TMEM117: variants seen among roughly 807,000 people sequenced by gnomAD.
TMEM117 encodes the protein transmembrane protein 117.
TMEM117 carries 27 observed loss-of-function variants against 52.4 expected under a neutral mutation model. The ratio of observed to expected loss-of-function variants is 0.51; its 90% confidence interval spans 0.38 to 0.71. The LOEUF is 0.71. TMEM117 is among the 30% of genes least tolerant of loss of function. The pLI is 0.00. For synonymous variants in TMEM117, 215 were observed against 206.3 expected (o/e 1.04, Z -0.36); for missense variants, 556 against 630.5 (o/e 0.88, Z 1.26).
rs545082049 is a variant in TMEM117, at chr12:43,895,805, C to T, written c.278-48405C>T. Among the ~76,000 whole-genome samples, 25 of 152,312 alleles carry T rather than the reference C, an allele frequency of 1.6e-4. No homozygotes were observed. The East Asian group carries it at 4.4e-3, about 27-fold the overall frequency. ...CTAATGCTTAGTTTATGTTAAGGCC[C>T]TTCATAATATGTCCTTAAACTTACC... On this transcript the variant is annotated intron_variant, in intron 2 of 7. Coordinates refer to ENST00000266534, the MANE Select transcript of TMEM117 (RefSeq NM_032256.3).
intron 3 of TMEM117, among the ~76,000 whole-genome samples, chr12:44,052,828 T>G (rs1565808771): frequency 6.6e-6 from 1 of 152,170 alleles, no homozygotes; most frequent in Non-Finnish European, 1.5e-5. Context: ...CCGCTTTAGA[T>G]TTCTCAGGTG....
chr12:44,210,965 A>G (rs12309408), intron 4 of TMEM117, among the ~76,000 whole-genome samples: 2,984 of 152,196 alleles, frequency 0.02, 58 homozygotes, highest in South Asian at 0.053. Context: ...GATTTAGACA[A>G]ACTTTAAAAG....
intron 3 of TMEM117, among the ~76,000 whole-genome samples, chr12:44,097,254 T>A (rs546761585): frequency 6.6e-6 from 1 of 152,126 alleles, no homozygotes; most frequent in Non-Finnish European, 1.5e-5. Context: ...GGAACACTTT[T>A]ACACTGTTGG....
intron 4 of TMEM117, among the ~76,000 whole-genome samples, chr12:44,169,683 AG>A (rs1681140264): frequency 6.6e-6 from 1 of 152,210 alleles, no homozygotes; most frequent in Non-Finnish European, 1.5e-5. Context: ...GATACACAAA[AG>A]TTTCTAACTT....
chr12:43,993,326 C>T (rs962711135), intron 3 of TMEM117, among the ~76,000 whole-genome samples: 5 of 152,150 alleles, frequency 3.3e-5, no homozygotes, highest in Non-Finnish European at 7.3e-5. Flanking sequence ...TGTGAAACAC[C>T]TGGCACAGTG....
At chr12:44,250,808 G>A (rs141915716) in intron 5 of TMEM117, among the ~76,000 whole-genome samples, 1,740 of 152,174 alleles carry the variant, frequency 0.011, 22 homozygotes, top group South Asian at 0.051. Context: ...TGGACACAGA[G>A]GGGAACAACA....
At chr12:44,229,839 T>C (rs2138448589) in intron 5 of TMEM117, among the ~76,000 whole-genome samples, 1 of 152,242 alleles carries the variant, frequency 6.6e-6, no homozygotes, top group South Asian at 2.1e-4. Flanking sequence ...GGGAAAAATG[T>C]TTCTCTTTAT....
intron 3 of TMEM117, among the ~76,000 whole-genome samples, chr12:44,119,897 G>A (rs1565836233): frequency 6.6e-6 from 1 of 152,210 alleles, no homozygotes; most frequent in Non-Finnish European, 1.5e-5. Flanking sequence ...TGAGAGGTCT[G>A]TGGGACATGC....
At chr12:43,900,039 A>C (rs1162649988) in intron 2 of TMEM117, among the ~76,000 whole-genome samples, 1 of 152,192 alleles carries the variant, frequency 6.6e-6, no homozygotes, top group Non-Finnish European at 1.5e-5. Context: ...GTGGTTTATA[A>C]TCGAAGGTAA....
At chr12:44,311,829 A>ATATG (rs1950988189) in intron 6 of TMEM117, among the ~76,000 whole-genome samples, 1 of 100,930 alleles carries the variant, frequency 9.9e-6, no homozygotes, top group African/African-American at 4.6e-5. Context: ...ATATGTATAT[A>ATATG]TGTATATATG....
At chr12:44,050,413 G>A (rs898029568) in intron 3 of TMEM117, among the ~76,000 whole-genome samples, 2 of 152,166 alleles carry the variant, frequency 1.3e-5, no homozygotes, top group Non-Finnish European at 2.9e-5. Flanking sequence ...CTGACCTCAC[G>A]TGATCCGCCT....
chr12:44,225,041 A>G (rs532525802), intron 5 of TMEM117, among the ~76,000 whole-genome samples: 1 of 152,160 alleles, frequency 6.6e-6, no homozygotes, highest in Admixed American at 6.6e-5. Flanking sequence ...TCATACTTGC[A>G]GTCTTGATGA....
At chr12:44,209,478 A>T (rs754716208) in intron 4 of TMEM117, among the ~76,000 whole-genome samples, 33 of 152,272 alleles carry the variant, frequency 2.2e-4, no homozygotes, top group Middle Eastern at 3.4e-3. Flanking sequence ...AAATAAGCAA[A>T]AAGTGTTTTC....
chr12:44,204,899 A>G (rs1051756568), intron 4 of TMEM117, among the ~76,000 whole-genome samples: 1 of 152,242 alleles, frequency 6.6e-6, no homozygotes, highest in African/African-American at 2.4e-5. Context: ...ACAAAAATCA[A>G]CTCAAGATGG....
At chr12:43,910,509 A>C (rs1181889213) in intron 2 of TMEM117, among the ~76,000 whole-genome samples, 2 of 146,202 alleles carry the variant, frequency 1.4e-5, no homozygotes, top group Non-Finnish European at 3.0e-5. Context: ...ATTAGGCAGG[A>C]GAAGGAAATA....
rs139312016 is a variant in TMEM117 at position 44,318,111 on chromosome 12, G to C, written c.768+18372G>C. On this transcript the variant is annotated intron_variant, in intron 6 of 7. Transcript: ENST00000266534. Reference sequence around the variant, plus strand: ...GATCTTCCTGGGCATGTAGCATAGGGGGCCGTACTGCACCACAGTCTCTCC... The same window carrying C: ...GATCTTCCTGGGCATGTAGCATAGGCGGCCGTACTGCACCACAGTCTCTCC... 2.2e-3 allele frequency among the ~76,000 whole-genome samples: 342 copies of C among 152,296 alleles called. 1 individual carries two copies. The highest frequency in any genetic ancestry group is 7.7e-3 in the African/African-American group (322 of 41,568).
chr12:43,871,468 T>G (rs1943704107), intron 2 of TMEM117, among the ~76,000 whole-genome samples: 1 of 152,188 alleles, frequency 6.6e-6, no homozygotes, highest in African/African-American at 2.4e-5. Flanking sequence ...TGGTTTTGAT[T>G]TGCATTTCTG....
intron 3 of TMEM117, among the ~76,000 whole-genome samples, chr12:43,951,870 A>T (rs934385348): frequency 6.6e-6 from 1 of 152,170 alleles, no homozygotes; most frequent in African/African-American, 2.4e-5. Flanking sequence ...GAGTCAGCAG[A>T]CACCTGATGC....
chr12:44,357,530 A>G (rs1240084659), intron 6 of TMEM117, among the ~76,000 whole-genome samples: 1 of 152,114 alleles, frequency 6.6e-6, no homozygotes, highest in Non-Finnish European at 1.5e-5. Context: ...CTATACATAG[A>G]GTAGAACATT....
Sources: allele counts gnomAD v4.1 joint callset (sites outside exome capture counted in the v4.1 genomes callset), GRCh38; gene constraint gnomAD v4.1.1; transcripts MANE v1.5; gene names NCBI Gene and HGNC (gene_info 2026-07-23, HGNC 2026-07-21).